Variants in FBN3 observed in about 807,000 individuals in gnomAD.
The protein encoded by FBN3 is fibrillin 3.
FBN3 carries 234 observed loss-of-function variants against 330.1 expected under a neutral mutation model. The observed-to-expected ratio is 0.71, with a 90% CI of 0.64 to 0.79. The LOEUF (loss-of-function observed/expected upper bound fraction) is 0.79, where lower values mean the gene tolerates loss of function less well. Among genes scored for constraint, FBN3 ranks in the 30% least tolerant of loss-of-function variants. The probability of loss-of-function intolerance (pLI) is 0.00; values close to 1 mark genes in which losing one functional copy is unlikely to be tolerated. For synonymous variants in FBN3, 1,458 were observed against 1,517.3 expected, an observed-to-expected ratio of 0.96 and a Z score of 0.91; for missense variants, 3,606 against 3,886.9, an observed-to-expected ratio of 0.93 and a Z score of 1.92.
Position 8,087,216 on chromosome 19 carries a change from G to A in FBN3, c.6620-5C>T, listed in dbSNP as rs201864390. On this transcript the variant is annotated splice_region_variant and splice_polypyrimidine_tract_variant and intron_variant, in intron 53 of 63. Coordinates refer to ENST00000600128, the MANE Select transcript of FBN3 (RefSeq NM_032447.5). ...CATCTGCACACTCGTCCACATCTTC[G>A]GATGACCAGAGACAGATGGTCAGTC... is the stretch of plus-strand genomic sequence containing the variant. 1,552 of 1,583,692 alleles carry A rather than the reference G, an allele frequency of 9.8e-4. 2 individuals are homozygous for A. Among genetic ancestry groups the A allele is most frequent in the Non-Finnish European group, 1.2e-3 (1,423 of 1,167,158 alleles).
intron 13 of FBN3, among the ~76,000 whole-genome samples, chr19:8,133,565 T>C (rs1376273315): frequency 5.9e-5 from 9 of 152,064 alleles, no homozygotes; most frequent in Non-Finnish European, 1.2e-4. Context: ...ATTCTCCTGC[T>C]TCAGCCTCCT....
chr19:8,134,662 A>G (rs34714080), intron 13 of FBN3, among the ~76,000 whole-genome samples: 53,017 of 151,984 alleles, frequency 0.35, 10,336 homozygotes, highest in Middle Eastern at 0.45. Context: ...GGCCGGGCGC[A>G]ATGGCTCACG....
intron 61 of FBN3, 54 bp downstream of exon 61, chr19:8,075,017 C>T (rs1396310659): frequency 7.0e-6 from 11 of 1,574,602 alleles, no homozygotes; most frequent in Non-Finnish European, 9.5e-6. Context: ...TAGTCGCCTG[C>T]TCTGAGCAGA....
rs1316444521 is a variant in FBN3 at position 8,138,552 on chromosome 19, C to T, written c.878G>A (p.Gly293Asp). ...CCCGAAAAGCACTGAGAAGCAGGCG[C>T]CGGCCCGGTAGTCTGCAAAAGATCA... ...SSAACEDYRAGACFSVLFGGR... is the reference protein window; with the variant it reads ...SSAACEDYRADACFSVLFGGR... Residue 293 changes from glycine to aspartate, a missense_variant, in exon 9 of 64, where the codon GGC becomes GAC. Physicochemically the swap from Gly to Asp is moderately conservative, Grantham distance 94. Transcript: ENST00000600128. 6.2e-7 allele frequency: 1 copy of T among 1,609,090 alleles called. No homozygotes were observed. The highest frequency in any genetic ancestry group is 8.5e-7 in the Non-Finnish European group (1 of 1,178,938).
intron 13 of FBN3, among the ~76,000 whole-genome samples, chr19:8,134,090 A>G (rs1262586666): frequency 2.0e-5 from 3 of 151,106 alleles, no homozygotes; most frequent in African/African-American, 7.3e-5. Context: ...AAGAAAAAAA[A>G]AATCAGCCGG....
chr19:8,123,823 C>G lies in FBN3; in HGVS notation c.2917G>C (p.Ala973Pro), dbSNP rs760891992. Residue 973 changes from alanine (A) to proline (P), a missense_variant, in exon 23 of 64, where the codon GCC becomes CCC. By Grantham distance (27) the Ala-to-Pro change is conservative (BLOSUM62 -1). Transcript: ENST00000600128. ...CGGCCAGACAGGAAGTCCCGGCTGG[C>G]GAAGCCCAGCCCCCGCGGGCACAGG... ...ASLCPRGLGFASRDFLSGRPF... is the reference protein window; with the variant it reads ...ASLCPRGLGFPSRDFLSGRPF... 1.2e-6 allele frequency: 2 copies of G among 1,612,566 alleles called. No homozygotes were observed.
Position 8,066,399 on chromosome 19 carries a change from A to T in FBN3, c.8089-139T>A, listed in dbSNP as rs930004497. On this transcript the variant is annotated intron_variant, in intron 63 of 63. Transcript: ENST00000600128. The stretch of plus-strand genomic sequence containing the variant: ...AGGAAAGAGCCATAAAAAGGAATGA[A>T]ATCATGCCATTTGCAGCAACGTGGA... 1.6e-5 allele frequency: 11 copies of T among 682,468 alleles called. 1 individual carries two copies. The highest frequency in any genetic ancestry group is 9.2e-5 in the Admixed American group (3 of 32,586). 42.3% of individuals were successfully genotyped at this position (682,468 alleles called of 1,614,324 possible).
At chr19:8,090,952 A>G (rs1009583034) in intron 48 of FBN3, among the ~76,000 whole-genome samples, 5 of 152,162 alleles carry the variant, frequency 3.3e-5, no homozygotes, top group Admixed American at 1.3e-4. Context: ...CAAACCCCCA[A>G]TCCTTGGCTC....
At position 8,126,707 on chromosome 19, in the gene FBN3, G is replaced by A. The variant is rs753481648; in HGVS notation, c.2416+6C>T. ...TGGAACGCCGTCGGGCTCCGGGGCC[G>A]CTCACCTAGACAGAAGGTACCAGAG... On this transcript the variant is annotated splice_donor_region_variant and intron_variant, in intron 19 of 63. Transcript: ENST00000600128. 85 of 1,581,296 alleles carry A rather than the reference G, an allele frequency of 5.4e-5. No homozygotes were observed. Among genetic ancestry groups the A allele is most frequent in the Non-Finnish European group, 6.5e-5 (75 of 1,161,810 alleles).
chr19:8,091,937 T>G (rs1296814751), intron 47 of FBN3, among the ~76,000 whole-genome samples: 1 of 152,074 alleles, frequency 6.6e-6, no homozygotes, highest in Non-Finnish European at 1.5e-5. Context: ...ATCCCAGCAC[T>G]TTGGGAGGTG....
At chr19:8,082,055 C>T (rs1350923087) in intron 57 of FBN3, among the ~76,000 whole-genome samples, 1 of 152,180 alleles carries the variant, frequency 6.6e-6, no homozygotes, top group Admixed American at 6.6e-5. Context: ...CCTCCGCCTC[C>T]CAGGTTCAAA....
chr19:8,085,388 G>A lies in FBN3; in HGVS notation c.7062C>T (p.Gly2354=). ...CTCGGCCCTCAGCAGTGTAGCCTGA[G>A]CCATGGGGGCACAGCTTCCTGTAGG... ...TSAYRKLCPH[G]SGYTAEGRDV... Residue 2354 remains glycine (G), a synonymous_variant, in exon 56 of 64, where the codon GGC becomes GGT. Coordinates refer to ENST00000600128, the MANE Select transcript of FBN3 (RefSeq NM_032447.5). 1.9e-6 allele frequency: 3 copies of A among 1,581,188 alleles called. No individual in the cohort carries two copies. The highest frequency in any genetic ancestry group is 2.6e-6 in the Non-Finnish European group (3 of 1,166,780).
chr19:8,073,002 T>TGTGC (rs763385469), intron 62 of FBN3, 61 bp downstream of exon 62: 137 of 930,794 alleles, frequency 1.5e-4, no homozygotes, highest in South Asian at 8.9e-4. Flanking sequence ...TGTGTGTGTG[T>TGTGC]GCGTGCGTGC....
chr19:8,075,512 C>T, intron 59 of FBN3, 101 bp from the exon 60 acceptor site: 2 of 1,229,568 alleles, frequency 1.6e-6, no homozygotes, highest in Non-Finnish European at 2.3e-6. Flanking sequence ...AGGCAAGTTG[C>T]TCACCCTCTC....
At position 8,145,886 on chromosome 19, in the gene FBN3, G is replaced by T; in HGVS notation, c.402C>A (p.Ser134=). The T allele has an allele frequency of 6.4e-7, 1 of 1,551,270 alleles. No individual in the cohort carries two copies. Among genetic ancestry groups the T allele is most frequent in the Non-Finnish European group, 8.7e-7 (1 of 1,146,996 alleles). Residue 134 remains serine (S), a synonymous_variant, in exon 5 of 64, where the codon TCC becomes TCA. Coordinates refer to ENST00000600128, the MANE Select transcript of FBN3 (RefSeq NM_032447.5). Reference sequence around the variant, plus strand: ...CTGTGTAGCCCTTCTGACACAGACAGGACGCCCCCCGGCAGGTGCCCCCAT... The same window carrying T: ...CTGTGTAGCCCTTCTGACACAGACATGACGCCCCCCGGCAGGTGCCCCCAT... The part of the protein sequence containing the change: ...CMNGGTCRGA[S]CLCQKGYTGT...
At chr19:8,137,017 A>G (rs1423536766) in intron 10 of FBN3, among the ~76,000 whole-genome samples, 4 of 140,688 alleles carry the variant, frequency 2.8e-5, no homozygotes, top group Non-Finnish European at 4.6e-5. Context: ...CCTGAAGCCT[A>G]GATCCCTCCA....
intron 47 of FBN3, among the ~76,000 whole-genome samples, chr19:8,093,433 C>A (rs1018596782): frequency 1.3e-5 from 2 of 152,080 alleles, no homozygotes; most frequent in African/African-American, 4.8e-5. Flanking sequence ...AGCATCCTGG[C>A]TAACATGGTG....
At chr19:8,124,204 AG>A in intron 22 of FBN3, among the ~76,000 whole-genome samples, 196 bp from the exon 23 acceptor site, 1 of 151,334 alleles carries the variant, frequency 6.6e-6, no homozygotes, top group African/African-American at 2.5e-5. Flanking sequence ...CACTGTTCTA[AG>A]CCCCTCTATC....
At chr19:8,080,608 A>G (rs534541784) in intron 59 of FBN3, among the ~76,000 whole-genome samples, 133 of 152,104 alleles carry the variant, frequency 8.7e-4, no homozygotes, top group African/African-American at 2.8e-3. Flanking sequence ...TGTCCAATAC[A>G]CACCGGGTGC....
Sources: allele counts gnomAD v4.1 joint callset (sites outside exome capture counted in the v4.1 genomes callset), GRCh38; gene constraint gnomAD v4.1.1; transcripts MANE v1.5; gene names NCBI Gene and HGNC (gene_info 2026-07-23, HGNC 2026-07-21).